ANKRD44: variants seen among roughly 807,000 people sequenced by gnomAD.
ANKRD44 encodes serine/threonine-protein phosphatase 6 regulatory ankyrin repeat subunit B.
A neutral mutation model predicts 116.0 loss-of-function variants in ANKRD44; 35 were observed. The ratio of observed to expected loss-of-function variants is 0.30; its 90% CI spans 0.23 to 0.40. The LOEUF is 0.40. Ranked by LOEUF, ANKRD44 falls within the 10% of genes least tolerant of loss-of-function variation. The pLI, the probability that ANKRD44 is intolerant of heterozygous loss-of-function variation, is 1.00. For synonymous variants in ANKRD44, 435 were observed against 461.8 expected (o/e 0.94, Z 0.74); for missense variants, 1,014 against 1,242.6 (o/e 0.82, Z 2.77).
intron 16 of ANKRD44, among the ~76,000 whole-genome samples, chr2:197,077,168 G>A (rs542711652): frequency 6.6e-6 from 1 of 152,264 alleles, no homozygotes; most frequent in African/African-American, 2.4e-5. Flanking sequence ...GCCAGCATCT[G>A]TTATTTTTTG....
intron 1 of ANKRD44, among the ~76,000 whole-genome samples, chr2:197,264,415 C>A (rs1349248087): frequency 6.6e-6 from 1 of 152,194 alleles, no homozygotes; most frequent in East Asian, 1.9e-4. Context: ...GTTTTGATAG[C>A]CATTCCTTAC....
chr2:197,260,928 G>GT (rs1433112729), intron 1 of ANKRD44, among the ~76,000 whole-genome samples: 1 of 131,454 alleles, frequency 7.6e-6, no homozygotes, highest in Non-Finnish European at 1.6e-5. Context: ...GGGGTTGTTT[G>GT]TTTTTTTCTT....
At chr2:197,004,437 A>G (rs1397815500) in intron 21 of ANKRD44, among the ~76,000 whole-genome samples, 2 of 152,202 alleles carry the variant, frequency 1.3e-5, no homozygotes, top group Non-Finnish European at 2.9e-5. Flanking sequence ...GTGCTCCCAC[A>G]AGCATACGAG....
chr2:197,126,588 T>G (rs1203327978), intron 4 of ANKRD44, among the ~76,000 whole-genome samples: 4 of 152,144 alleles, frequency 2.6e-5, no homozygotes, highest in Admixed American at 2.6e-4. Context: ...TTCCTTCACC[T>G]TCATTGGGCC....
intron 16 of ANKRD44, among the ~76,000 whole-genome samples, chr2:197,045,215 T>C (rs929713803): frequency 2.6e-5 from 4 of 152,150 alleles, no homozygotes; most frequent in African/African-American, 7.2e-5. Context: ...CTTTTTATCC[T>C]TTCTACCTGA....
chr2:197,109,282 C>T (rs182787513), intron 9 of ANKRD44, among the ~76,000 whole-genome samples: 94 of 152,310 alleles, frequency 6.2e-4, no homozygotes, highest in Middle Eastern at 3.4e-3. Context: ...TCACTCCCCC[C>T]GACCCCCTTT....
intron 16 of ANKRD44, among the ~76,000 whole-genome samples, chr2:197,060,966 G>A (rs2077299901): frequency 6.6e-6 from 1 of 152,160 alleles, no homozygotes; most frequent in Non-Finnish European, 1.5e-5. Flanking sequence ...CTTGGCTATT[G>A]TGAATAGTGC....
In ANKRD44 at chr2:197,183,924, A is replaced by T. The variant is rs1291479638; in HGVS notation, c.111+3099T>A. On this transcript the variant is annotated intron_variant, in intron 2 of 27. Coordinates refer to ENST00000282272, the MANE Select transcript of ANKRD44 (RefSeq NM_001195144.2). ...CAAGCCTCAGGTTACACATCACTTT[A>T]TCAGGTCCTCATGATTAACCTTCTC... Among the ~76,000 whole-genome samples the T allele has an allele frequency of 3.9e-5, 6 of 152,304 alleles. No individual in the cohort carries two copies. The East Asian group carries it at 1.2e-3, about 29-fold the overall frequency.
intron 2 of ANKRD44, among the ~76,000 whole-genome samples, chr2:197,177,594 T>TTGTG (rs1360462458): frequency 1.3e-5 from 2 of 151,530 alleles, no homozygotes; most frequent in Admixed American, 6.6e-5. Context: ...GTGTGTGTGT[T>TTGTG]TGTGTGTGTG....
chr2:197,148,269 C>T (rs931483282), intron 2 of ANKRD44, among the ~76,000 whole-genome samples: 13 of 152,058 alleles, frequency 8.5e-5, no homozygotes, highest in Non-Finnish European at 1.3e-4. Context: ...AGTAAAGAAC[C>T]GGCCTCACTC....
intron 16 of ANKRD44, among the ~76,000 whole-genome samples, chr2:197,030,780 C>T (rs886079722): frequency 6.6e-6 from 1 of 151,900 alleles, no homozygotes; most frequent in African/African-American, 2.4e-5. Flanking sequence ...GCAAATGAAG[C>T]CTGACTGATT....
At chr2:197,290,870 T>C (rs1365531793) in intron 1 of ANKRD44, among the ~76,000 whole-genome samples, 1 of 152,080 alleles carries the variant, frequency 6.6e-6, no homozygotes, top group African/African-American at 2.4e-5. Flanking sequence ...TGGAGTGCAG[T>C]GGTGAGATCT....
intron 21 of ANKRD44, among the ~76,000 whole-genome samples, chr2:196,969,584 A>G (rs1258892813): frequency 6.6e-6 from 1 of 152,244 alleles, no homozygotes; most frequent in Non-Finnish European, 1.5e-5. Context: ...TACAACAGAA[A>G]GTGATATACC....
chr2:197,254,630 CATAT>C (rs1234319363), intron 1 of ANKRD44, among the ~76,000 whole-genome samples: 79 of 107,688 alleles, frequency 7.3e-4, no homozygotes, highest in Admixed American at 4.0e-3. Flanking sequence ...CACACACACA[CATAT>C]ATATATTTGC....
At chr2:196,994,051 A>G (rs938233619) in intron 26 of ANKRD44, among the ~76,000 whole-genome samples, 2 of 152,254 alleles carry the variant, frequency 1.3e-5, no homozygotes, top group African/African-American at 4.8e-5. Context: ...GACTGGCATT[A>G]ATATCAGTCA....
chr2:197,296,705 C>A (rs1180992831), intron 1 of ANKRD44: 1 of 152,132 alleles, frequency 6.6e-6, no homozygotes, highest in East Asian at 1.9e-4. Flanking sequence ...CCAAGAATCA[C>A]CTCAAATTGA....
chr2:196,994,515 C>CTT (rs541909502), intron 26 of ANKRD44: 2 of 143,670 alleles, frequency 1.4e-5, no homozygotes, highest in African/African-American at 2.6e-5. Context: ...TTCTTCTTTT[C>CTT]TTTTTTTTTT....
chr2:197,251,665 C>T (rs189997275), intron 1 of ANKRD44, among the ~76,000 whole-genome samples: 1 of 152,232 alleles, frequency 6.6e-6, no homozygotes, highest in East Asian at 1.9e-4. Context: ...ACTCTTTGCC[C>T]ATTAATCTTT....
intron 9 of ANKRD44, among the ~76,000 whole-genome samples, chr2:197,102,754 A>G (rs1271526139): frequency 1.3e-5 from 2 of 152,198 alleles, no homozygotes; most frequent in Non-Finnish European, 2.9e-5. Flanking sequence ...AAATATGTGA[A>G]TGGCTTAAAT....
Sources: allele counts gnomAD v4.1 joint callset (sites outside exome capture counted in the v4.1 genomes callset), GRCh38; gene constraint gnomAD v4.1.1; transcripts MANE v1.5; gene names NCBI Gene and HGNC (gene_info 2026-07-23, HGNC 2026-07-21).